The following RNGTT variants were observed in gnomAD, a reference collection of about 807,000 sequenced individuals.
The protein encoded by RNGTT is RNA guanylyltransferase and 5'-phosphatase.
RNGTT carries 33 observed loss-of-function variants against 79.3 expected under a neutral mutation model. That is an observed-to-expected ratio of 0.42 (90% CI 0.32 to 0.56). The LOEUF is 0.56. Ranked by LOEUF, RNGTT falls within the 20% of genes least tolerant of loss-of-function variation. RNGTT has a pLI of 0.17. For missense variants in RNGTT, 497 were observed against 739.1 expected (o/e 0.67, Z 3.80); for synonymous variants, 222 against 235.9 (o/e 0.94, Z 0.54).
At chr6:88,700,442 T>C (rs1775907836) in intron 13 of RNGTT, among the ~76,000 whole-genome samples, 1 of 152,196 alleles carries the variant, frequency 6.6e-6, no homozygotes, top group Non-Finnish European at 1.5e-5. Context: ...TGTCCTCCAA[T>C]TATTAGATAC....
intron 13 of RNGTT, among the ~76,000 whole-genome samples, chr6:88,732,362 CAAA>C (rs986577718): frequency 1.6e-4 from 24 of 152,228 alleles, no homozygotes; most frequent in Middle Eastern, 6.8e-3. Flanking sequence ...TGGCTATTAT[CAAA>C]AGAACAGAAA....
chr6:88,895,913 G>C (rs1167582588), intron 6 of RNGTT, among the ~76,000 whole-genome samples: 2 of 151,984 alleles, frequency 1.3e-5, no homozygotes, highest in African/African-American at 2.4e-5. Flanking sequence ...CCTTCCCAAA[G>C]AGTTCCAATG....
chr6:88,872,244 T>C lies in RNGTT; in HGVS notation c.896+18251A>G, dbSNP rs1047781086. Among the ~76,000 whole-genome samples, 7 of 152,164 alleles carry C rather than the reference T, an allele frequency of 4.6e-5. No individual in the cohort carries two copies. The East Asian group carries it at 1.3e-3, about 29-fold the overall frequency. On this transcript the variant is annotated intron_variant, in intron 8 of 15. Transcript: ENST00000369485. ...GAACCTAAGTGGGTACAGGAAAGTT[T>C]TTCCTCCCCACTGGTAAGAAATGGA...
chr6:88,917,789 C>T (rs776197426), intron 4 of RNGTT, among the ~76,000 whole-genome samples: 2 of 151,084 alleles, frequency 1.3e-5, no homozygotes, highest in African/African-American at 2.4e-5. Flanking sequence ...CGGGAGGCTG[C>T]GGCAGGAGAA....
At chr6:88,812,346 G>A (rs1378116921) in intron 11 of RNGTT, among the ~76,000 whole-genome samples, 3 of 152,112 alleles carry the variant, frequency 2.0e-5, no homozygotes, top group Non-Finnish European at 2.9e-5. Flanking sequence ...TTTGGTTGCC[G>A]TTAGTCTTAT....
intron 13 of RNGTT, among the ~76,000 whole-genome samples, chr6:88,761,050 C>CACACACACAT (rs756870218): frequency 6.7e-6 from 1 of 149,284 alleles, no homozygotes; most frequent in Non-Finnish European, 1.5e-5. Context: ...CACACACACA[C>CACACACACAT]ACATACACTC....
At chr6:88,922,846 C>T (rs955774878) in intron 4 of RNGTT, among the ~76,000 whole-genome samples, 1 of 152,158 alleles carries the variant, frequency 6.6e-6, no homozygotes, top group African/African-American at 2.4e-5. Context: ...CTACAAACTG[C>T]ATTTTTTGTT....
intron 14 of RNGTT, among the ~76,000 whole-genome samples, chr6:88,654,715 C>T (rs1218002811): frequency 6.6e-6 from 1 of 152,146 alleles, no homozygotes; most frequent in Non-Finnish European, 1.5e-5. Flanking sequence ...CAAAATGTGG[C>T]ACTCTCCTGC....
At chr6:88,961,842 T>C (rs1435778271) in intron 1 of RNGTT, among the ~76,000 whole-genome samples, 1 of 152,188 alleles carries the variant, frequency 6.6e-6, no homozygotes, top group East Asian at 1.9e-4. Context: ...CACAAAGAAT[T>C]GTACATGAAT....
intron 13 of RNGTT, among the ~76,000 whole-genome samples, chr6:88,730,751 T>A (rs1485879528): frequency 6.6e-6 from 1 of 151,966 alleles, no homozygotes; most frequent in Non-Finnish European, 1.5e-5. Flanking sequence ...CAAGGAGAAA[T>A]CTCCTAAGGA....
At chr6:88,627,293 G>A (rs544748105) in intron 14 of RNGTT, among the ~76,000 whole-genome samples, 2 of 152,170 alleles carry the variant, frequency 1.3e-5, no homozygotes, top group East Asian at 3.9e-4. Flanking sequence ...AGTTCACAAT[G>A]TATTAGACCT....
chr6:88,920,029 G>A (rs2127949782), intron 4 of RNGTT, among the ~76,000 whole-genome samples: 1 of 152,260 alleles, frequency 6.6e-6, no homozygotes, highest in East Asian at 1.9e-4. Flanking sequence ...CCCCCCAGGG[G>A]ACATTTTGTA....
intron 13 of RNGTT, among the ~76,000 whole-genome samples, chr6:88,686,097 A>G (rs1775268330): frequency 6.6e-6 from 1 of 150,606 alleles, no homozygotes; most frequent in Non-Finnish European, 1.5e-5. Flanking sequence ...CCTGGATACT[A>G]GATCAATTAG....
At chr6:88,807,260 T>C (rs1779989424) in intron 11 of RNGTT, among the ~76,000 whole-genome samples, 1 of 151,824 alleles carries the variant, frequency 6.6e-6, no homozygotes, top group African/African-American at 2.4e-5. Flanking sequence ...ATAAAACAAA[T>C]AAATAAATAA....
chr6:88,868,159 A>C (rs1227468695), intron 8 of RNGTT, among the ~76,000 whole-genome samples: 1 of 152,160 alleles, frequency 6.6e-6, no homozygotes, highest in East Asian at 1.9e-4. Flanking sequence ...AAAAAAAAAA[A>C]AACAGCTCTT....
chr6:88,798,460 G>C (rs1040870614), intron 12 of RNGTT, among the ~76,000 whole-genome samples: 1 of 146,494 alleles, frequency 6.8e-6, no homozygotes, highest in African/African-American at 2.5e-5. Context: ...GTGAGACCCT[G>C]TCTCAAAAAA....
chr6:88,890,017 G>T (rs149402975), intron 8 of RNGTT, among the ~76,000 whole-genome samples: 1 of 152,196 alleles, frequency 6.6e-6, no homozygotes, highest in East Asian at 1.9e-4. Context: ...TATAAAATTT[G>T]AAATTAAGCT....
chr6:88,722,927 T>C (rs1396806747), intron 13 of RNGTT, among the ~76,000 whole-genome samples: 2 of 152,206 alleles, frequency 1.3e-5, no homozygotes, highest in Non-Finnish European at 2.9e-5. Flanking sequence ...CTGCCAGCTG[T>C]ACAAAAGTAC....
chr6:88,863,143 G>A (rs1031311855), intron 8 of RNGTT, among the ~76,000 whole-genome samples: 3 of 152,124 alleles, frequency 2.0e-5, no homozygotes, highest in African/African-American at 7.2e-5. Context: ...ATTTTAAATT[G>A]CAAAGCCTAT....
Sources: allele counts gnomAD v4.1 joint callset (sites outside exome capture counted in the v4.1 genomes callset), GRCh38; gene constraint gnomAD v4.1.1; transcripts MANE v1.5; gene names NCBI Gene and HGNC (gene_info 2026-07-23, HGNC 2026-07-21).